The following TCOF1 variants were observed in gnomAD, a reference collection of about 807,000 sequenced individuals.
The protein encoded by TCOF1 is treacle ribosome biogenesis factor 1.
In TCOF1, 33 loss-of-function variants were observed where a neutral mutation model predicts 149.0. The observed-to-expected ratio is 0.22, with a 90% CI of 0.17 to 0.30. TCOF1 has a LOEUF of 0.30. Ranked by LOEUF, TCOF1 falls within the 10% of genes least tolerant of loss-of-function variation. The pLI, the probability that TCOF1 is intolerant of heterozygous loss-of-function variation, is 1.00. For missense variants in TCOF1, 1,728 were observed against 1,840.7 expected (o/e 0.94, Z 1.12); for synonymous variants, 789 against 738.8 (o/e 1.07, Z -1.10).
At position 150,357,704 on chromosome 5, in the gene TCOF1, A is replaced by T. The variant is rs1758914890; in HGVS notation, c.-43A>T. 2.0e-6 allele frequency: 3 copies of T among 1,517,934 alleles called. No homozygotes were observed. Among genetic ancestry groups the T allele is most frequent in the African/African-American group, 2.8e-5 (2 of 72,306 alleles). The allele number at this position is 1,517,934 out of a possible 1,614,324, so 94.0% of individuals were successfully genotyped here. A position where few individuals can be genotyped will look rare whatever the true frequency, so the allele number is the denominator to read the frequency against. On this transcript the variant is annotated 5_prime_UTR_variant, in exon 1 of 27. Transcript: ENST00000643257. ...GCGAGGGAAGTGGCGGGCGGGGACTAAGGCGGGGCGTGCAGGTAGCCGGCC... is the reference window on the plus strand; with the variant it reads ...GCGAGGGAAGTGGCGGGCGGGGACTTAGGCGGGGCGTGCAGGTAGCCGGCC...
At chr5:150,376,024 C>G (rs989753914) in intron 12 of TCOF1, 58 bp from the exon 13 acceptor site, 26 of 1,613,272 alleles carry the variant, frequency 1.6e-5, no homozygotes, top group Middle Eastern at 1.7e-4. Context: ...TGGGGCAGAA[C>G]AGATGGGGGA....
At chr5:150,372,317 C>A in intron 7 of TCOF1, 81 bp downstream of exon 7, 2 of 1,259,416 alleles carry the variant, frequency 1.6e-6, no homozygotes, top group South Asian at 1.4e-5. Context: ...AGCACCTCTG[C>A]CACTGGAGTT....
At chr5:150,387,520 T>C (rs1864958) in intron 17 of TCOF1, among the ~76,000 whole-genome samples, 90,869 of 151,836 alleles carry the variant, frequency 0.6, 27,523 homozygotes, top group African/African-American at 0.67. Flanking sequence ...AAGTAACTGT[T>C]TCTGAAGCCA....
intron 7 of TCOF1, among the ~76,000 whole-genome samples, chr5:150,373,500 G>C (rs1248987664): frequency 1.3e-5 from 2 of 152,160 alleles, no homozygotes; most frequent in Non-Finnish European, 2.9e-5. Context: ...GTTGGCCCAG[G>C]GCTGAACACC....
Position 150,367,849 on chromosome 5 carries a change from A to C in TCOF1, c.310A>C (p.Arg104=), listed in dbSNP as rs1347337954. 6.2e-7 allele frequency: 1 copy of C among 1,614,070 alleles called. No homozygotes were observed. Among genetic ancestry groups the C allele is most frequent in the Admixed American group, 1.7e-5 (1 of 60,000 alleles). The stretch of plus-strand genomic sequence containing the variant: ...CAGATGTTTGTTTCTTGCAGCCCCA[A>C]GACTAGCATCTACCAACTCCTCAGT... ...AEAETAKATP[R]LASTNSSVLG... The change falls in exon 4 of 27, where the codon AGA becomes CGA. Residue 104 remains arginine (R), a synonymous_variant. Transcript: ENST00000643257.
At chr5:150,380,054 G>A (rs1303025506) in intron 17 of TCOF1, 4 of 351,486 alleles carry the variant, frequency 1.1e-5, no homozygotes, top group South Asian at 7.3e-5. Flanking sequence ...CCTGGGTGAT[G>A]AGAGTGAGAC....
chr5:150,377,861 C>T (rs1256230472), intron 14 of TCOF1, among the ~76,000 whole-genome samples: 1 of 152,098 alleles, frequency 6.6e-6, no homozygotes, highest in Admixed American at 6.5e-5. Context: ...TGAAGTAAGC[C>T]GTTTAATTTC....
chr5:150,396,864 C>A, intron 24 of TCOF1, 22 bp downstream of exon 24: 5 of 1,574,874 alleles, frequency 3.2e-6, no homozygotes, highest in Non-Finnish European at 4.3e-6. Flanking sequence ...CTTCTCCCAG[C>A]CCACCCCAAG....
chr5:150,379,538 C>T lies in TCOF1; in HGVS notation c.2665C>T (p.Pro889Ser), dbSNP rs765265481. The change falls in exon 17 of 27, where the codon CCT becomes TCT. Residue 889 changes from proline (P) to serine (S), a missense_variant. Physicochemically the swap from Pro to Ser is moderately conservative, Grantham distance 74. Coordinates refer to ENST00000643257, the MANE Select transcript of TCOF1 (RefSeq NM_001371623.1). ...ATCCTGTTTCTCCCTCCAGGTGAAG[C>T]CTTCAGGGAAGACCCACCAGATCAG... ...EEAETLAQVK[P>S]SGKTHQIRAA... 3.7e-6 allele frequency: 6 copies of T among 1,614,082 alleles called. No homozygotes were observed. In the African/African-American group the frequency reaches 8.0e-5, roughly 22 times the overall value.
chr5:150,392,332 G>A, intron 21 of TCOF1, 156 bp downstream of exon 21: 3 of 738,218 alleles, frequency 4.1e-6, no homozygotes, highest in South Asian at 1.9e-5. Flanking sequence ...AACTTCATGA[G>A]GAAGTCAATC....
rs200645401 is a variant in TCOF1, at chr5:150,398,396, A to G, written c.4388A>G (p.Lys1463Arg). The G allele has an allele frequency of 5.9e-5, 96 of 1,614,066 alleles. No individual in the cohort carries two copies. The East Asian group carries it at 2.1e-3, about 35-fold the overall frequency. ...AAAAAAGAAAAGAAGAAGAAAGCAA[A>G]AAAGGCCTCAACCAAAGATTCTGAG... ...KEKKEKKKKA[K>R]KASTKDSESP... The change falls in exon 25 of 27, where the codon AAA becomes AGA. Residue 1463 changes from lysine to arginine, a missense_variant. Around this residue, in one of 2 missense-constraint regions of TCOF1, gnomAD observed 1,696 missense variants for 1,765.4 expected, o/e 0.96. Coordinates refer to ENST00000643257, the MANE Select transcript of TCOF1 (RefSeq NM_001371623.1).
At chr5:150,367,166 A>G (rs1247882775) in intron 3 of TCOF1, among the ~76,000 whole-genome samples, 5 of 152,090 alleles carry the variant, frequency 3.3e-5, no homozygotes, top group Admixed American at 6.5e-5. Context: ...TTAGCCAGGC[A>G]TGGTGGTGGA....
chr5:150,383,528 C>T (rs1049102851), intron 17 of TCOF1, among the ~76,000 whole-genome samples: 1 of 152,224 alleles, frequency 6.6e-6, no homozygotes, highest in African/African-American at 2.4e-5. Flanking sequence ...GCACTGGTGC[C>T]AGCACACAAG....
Position 150,376,187 on chromosome 5 carries a change from C to T in TCOF1, c.1999C>T (p.Arg667Trp), listed in dbSNP as rs867245814. The T allele has an allele frequency of 5.0e-6, 8 of 1,614,080 alleles. No homozygotes were observed. Among genetic ancestry groups the T allele is most frequent in the African/African-American group, 2.7e-5 (2 of 74,940 alleles). Residue 667 changes from arginine (R) to tryptophan (W), a missense_variant, in exon 13 of 27, where the codon CGG becomes TGG. By Grantham distance (101) the Arg-to-Trp change is moderately radical. Coordinates refer to ENST00000643257, the MANE Select transcript of TCOF1 (RefSeq NM_001371623.1). ...TGTGCGAGTGGGCACCCAAGCCCCC[C>T]GGAAAGCAGGAACTGCGACTTCTCC... is the stretch of plus-strand genomic sequence containing the variant. ...APVRVGTQAP[R>W]KAGTATSPAG...
At chr5:150,366,522 C>G (rs1761385555) in intron 3 of TCOF1, among the ~76,000 whole-genome samples, 1 of 152,042 alleles carries the variant, frequency 6.6e-6, no homozygotes, top group African/African-American at 2.4e-5. Context: ...GTTGGAGCTG[C>G]CTGGTTCTTC....
At position 150,383,185 on chromosome 5, in the gene TCOF1, TTC is replaced by T. The variant is rs1175606800; in HGVS notation, c.2859+3459_2859+3460del. 22 of 1,532,690 alleles carry T rather than the reference TTC, an allele frequency of 1.4e-5. No homozygotes were observed. In the African/African-American group the frequency reaches 1.5e-4, roughly 10 times the overall value. The allele number at this position is 1,532,690 out of a possible 1,614,324, so 94.9% of individuals were successfully genotyped here. On this transcript the variant is annotated intron_variant, in intron 17 of 26. Coordinates refer to ENST00000643257, the MANE Select transcript of TCOF1 (RefSeq NM_001371623.1). ...GCCACTGACCCAGGTGCGCCATGCC[TTC>T]TCTCTGCAGATGCTGCAGGATCAGA...
chr5:150,398,220 C>T, intron 24 of TCOF1, 134 bp from the exon 25 acceptor site: 3 of 1,558,430 alleles, frequency 1.9e-6, no homozygotes, highest in Non-Finnish European at 2.6e-6. Flanking sequence ...CCACGCCCCG[C>T]CCTGCTGGCC....
At chr5:150,377,005 G>A (rs1308247973) in intron 14 of TCOF1, among the ~76,000 whole-genome samples, 1 of 152,214 alleles carries the variant, frequency 6.6e-6, no homozygotes, top group African/African-American at 2.4e-5. Context: ...GTGAGCCTGG[G>A]CTGCGCAGCA....
intron 17 of TCOF1, among the ~76,000 whole-genome samples, chr5:150,387,220 G>T (rs191074506): frequency 9.2e-5 from 14 of 152,342 alleles, no homozygotes; most frequent in African/African-American, 3.1e-4. Context: ...TTCCCTGATT[G>T]TCTCATGGAG....
Sources: gnomAD v4.1 joint callset for allele counts (sites outside exome capture counted in the v4.1 genomes callset) on GRCh38, gnomAD v4.1.1 for gene constraint, gnomAD v4.1.1 regional missense constraint, MANE v1.5 for transcripts, NCBI Gene and HGNC (gene_info 2026-07-23, HGNC 2026-07-21) for gene names.